The following F12 variants were observed in gnomAD, a reference collection of about 807,000 sequenced individuals.
F12 encodes Hageman factor.
In F12, 70 loss-of-function variants were observed where a neutral mutation model predicts 74.8. The ratio of observed to expected loss-of-function variants is 0.94; its 90% CI spans 0.77 to 1.14. The LOEUF is 1.14. Ranked by LOEUF, F12 falls within the 50% of genes most tolerant of loss-of-function variation. F12 has a pLI of 0.00. For missense variants in F12, 811 were observed against 835.7 expected (o/e 0.97, Z 0.36); for synonymous variants, 373 against 356.4 (o/e 1.05, Z -0.52).
Position 177,404,281 on chromosome 5 carries a change from A to G in F12, c.933T>C (p.Leu311=). The G allele has an allele frequency of 6.3e-7, 1 of 1,598,328 alleles. No individual in the cohort carries two copies. The highest frequency in any genetic ancestry group is 1.1e-5 in the South Asian group (1 of 89,526). ...GCTGCGCGGGCATGAGTGGGACATG[A>G]AGCCTAGGGGACACCGGGGTCGGAG... ...AAPPTPVSPR[L]HVPLMPAQPA... The change falls in exon 9 of 14, where the codon CTT becomes CTC. Residue 311 remains leucine, a synonymous_variant. Coordinates refer to ENST00000253496, the MANE Select transcript of F12 (RefSeq NM_000505.4).
chr5:177,404,389 C>T lies in F12; in HGVS notation c.825G>A (p.Pro275=), dbSNP rs1042152992. The T allele has an allele frequency of 6.2e-7, 1 of 1,612,068 alleles. No homozygotes were observed. Among genetic ancestry groups the T allele is most frequent in the Non-Finnish European group, 8.5e-7 (1 of 1,179,704 alleles). ...FCRNPDNDIR[P]WCFVLNRDRL... ...GGTCGCGGTTCAGCACGAAGCACCACGGGCGGATGTCGTTGTCCGGGTTCC... is the reference window on the plus strand; with the variant it reads ...GGTCGCGGTTCAGCACGAAGCACCATGGGCGGATGTCGTTGTCCGGGTTCC... Residue 275 remains proline (P), a synonymous_variant, in exon 9 of 14, where the codon CCG becomes CCA. Transcript: ENST00000253496.
At chr5:177,406,284 C>T (rs1410507170) in intron 2 of F12, among the ~76,000 whole-genome samples, 4 of 152,138 alleles carry the variant, frequency 2.6e-5, no homozygotes, top group South Asian at 2.1e-4. Flanking sequence ...GTCAGGAGAT[C>T]AAGACCATCC....
chr5:177,407,966 C>T (rs1763328779), intron 2 of F12, among the ~76,000 whole-genome samples: 2 of 151,882 alleles, frequency 1.3e-5, no homozygotes, highest in African/African-American at 4.8e-5. Context: ...GCCTCAACGC[C>T]ATGCTTAGAG....
At chr5:177,409,147 GC>G (rs977510534) in intron 1 of F12, 44 bp from the exon 2 acceptor site, 1 of 1,525,980 alleles carries the variant, frequency 6.6e-7, no homozygotes, top group African/African-American at 1.4e-5. Flanking sequence ...ATAAGTCATA[GC>G]CTGCCACCGA....
intron 2 of F12, among the ~76,000 whole-genome samples, chr5:177,408,271 G>T (rs908145405): frequency 6.6e-6 from 1 of 151,960 alleles, no homozygotes; most frequent in Admixed American, 6.6e-5. Flanking sequence ...GGCCAGGCTG[G>T]TCTCGAACTC....
Position 177,404,301 on chromosome 5 carries a change from T to A in F12, c.913A>T (p.Thr305Ser), listed in dbSNP as rs1474180928. 4 of 1,599,542 alleles carry A rather than the reference T, an allele frequency of 2.5e-6. No individual in the cohort carries two copies. Among genetic ancestry groups the A allele is most frequent in the Non-Finnish European group, 3.4e-6 (4 of 1,172,710 alleles). The change falls in exon 9 of 14, where the codon ACC (threonine) becomes TCC (serine). Residue 305 changes from threonine to serine, a missense_variant. Coordinates refer to ENST00000253496, the MANE Select transcript of F12 (RefSeq NM_000505.4). ...ACATGAAGCCTAGGGGACACCGGGG[T>A]CGGAGGCGCCGCCTGGGTTGGGGTC... Reference protein sequence around the residue: ...CQTPTQAAPPTPVSPRLHVPL... With the variant: ...CQTPTQAAPPSPVSPRLHVPL...
At position 177,404,928 on chromosome 5, in the gene F12, C is replaced by G. The variant is rs1296186719; in HGVS notation, c.530-14G>C. 1.3e-6 allele frequency: 2 copies of G among 1,592,460 alleles called. No individual in the cohort carries two copies. Among genetic ancestry groups the G allele is most frequent in the Non-Finnish European group, 1.7e-6 (2 of 1,173,496 alleles). On this transcript the variant is annotated splice_polypyrimidine_tract_variant and intron_variant, in intron 6 of 13. Coordinates refer to ENST00000253496, the MANE Select transcript of F12 (RefSeq NM_000505.4). ...TGGTGCGGCAGGCTTGGGGAGGGAA[C>G]GCAGTGAGCCACCCCTGGGCCTAAA...
rs1206904795 is a variant in F12, at chr5:177,404,036, C to A, written c.1073G>T (p.Ser358Ile). ...PPSLTRNGPL[S>I]CGQRLRKSLS... Reference sequence around the variant, plus strand: ...ACTCTTGCGGAGCCGCTGCCCGCAGCTCAGTGGGCCGTTCCTGGTCAGGGA... The same window carrying A: ...ACTCTTGCGGAGCCGCTGCCCGCAGATCAGTGGGCCGTTCCTGGTCAGGGA... The change falls in exon 10 of 14, where the codon AGC becomes ATC. Residue 358 changes from serine to isoleucine, a missense_variant. Coordinates refer to ENST00000253496, the MANE Select transcript of F12 (RefSeq NM_000505.4). 1.9e-6 allele frequency: 3 copies of A among 1,602,262 alleles called. No individual in the cohort carries two copies. Among genetic ancestry groups the A allele is most frequent in the African/African-American group, 2.7e-5 (2 of 74,932 alleles).
chr5:177,403,147 C>G, intron 12 of F12, 107 bp downstream of exon 12: 1 of 1,467,338 alleles, frequency 6.8e-7, no homozygotes, highest in East Asian at 2.3e-5. Context: ...GTCAGCGCCA[C>G]CCATTCTGTA....
rs539506202 is a variant in F12 at position 177,404,369 on chromosome 5, C to T, written c.845G>A (p.Arg282His). The change falls in exon 9 of 14, where the codon CGC (arginine) becomes CAC (histidine). Residue 282 changes from arginine to histidine, a missense_variant. Coordinates refer to ENST00000253496, the MANE Select transcript of F12 (RefSeq NM_000505.4). ...GCAGTACTCCCAGCTCAGCCGGTCG[C>T]GGTTCAGCACGAAGCACCACGGGCG... is the stretch of plus-strand genomic sequence containing the variant. ...DIRPWCFVLN[R>H]DRLSWEYCDL... The T allele has an allele frequency of 9.9e-6, 16 of 1,611,882 alleles. No individual in the cohort carries two copies. The South Asian group carries it at 1.2e-4, about 12-fold the overall frequency.
chr5:177,403,465 G>A lies in F12; in HGVS notation c.1387+16C>T, dbSNP rs1763193861. ...CCCAAGCTCTCTTCCCGTCCCCGCG[G>A]GGCGCCCCCACGCACCCAGGTCGTG... is the stretch of plus-strand genomic sequence containing the variant. On this transcript the variant is annotated intron_variant, in intron 11 of 13. Transcript: ENST00000253496. 10 of 1,558,794 alleles carry A rather than the reference G, an allele frequency of 6.4e-6. No individual in the cohort carries two copies. Among genetic ancestry groups the A allele is most frequent in the Admixed American group, 1.9e-5 (1 of 52,822 alleles).
In F12 at chr5:177,402,701, G is replaced by A. The variant is rs1763170440; in HGVS notation, c.1532-3C>T. The A allele has an allele frequency of 6.2e-7, 1 of 1,611,288 alleles. No individual in the cohort carries two copies. The highest frequency in any genetic ancestry group is 1.3e-5 in the African/African-American group (1 of 74,882). On this transcript the variant is annotated splice_polypyrimidine_tract_variant and splice_region_variant and intron_variant, in intron 12 of 13. Coordinates refer to ENST00000253496, the MANE Select transcript of F12 (RefSeq NM_000505.4). ...GAAGCTGGCATATTCCTCCGCCCCT[G>A]CGAACACAGAGCGCCTTCTTCACAC...
At chr5:177,403,101 C>T (rs534376662) in intron 12 of F12, 153 bp downstream of exon 12, 1 of 956,190 alleles carries the variant, frequency 1.0e-6, no homozygotes, top group Non-Finnish European at 1.6e-6. Context: ...TGGGATTCTA[C>T]CTGGGATTCA....
rs146595721 is a variant in F12 at position 177,408,934 on chromosome 5, C to T, written c.115+112G>A. 5.8e-4 allele frequency: 589 copies of T among 1,008,894 alleles called. 2 individuals are homozygous for T. In the African/African-American group the frequency reaches 8.2e-3, roughly 14 times the overall value. The allele number at this position is 1,008,894 out of a possible 1,614,324, so 62.5% of individuals were successfully genotyped here. A position where few individuals can be genotyped will look rare whatever the true frequency, so the allele number is the denominator to read the frequency against. ...TCACGATCACTCTAGTGCCCATGGGCATAAGACCTAGCACCAGGTAGGCAC... is the reference window on the plus strand; with the variant it reads ...TCACGATCACTCTAGTGCCCATGGGTATAAGACCTAGCACCAGGTAGGCAC... On this transcript the variant is annotated intron_variant, in intron 2 of 13. Transcript: ENST00000253496.
At chr5:177,409,190 C>T in intron 1 of F12, 87 bp from the exon 2 acceptor site, 2 of 1,367,954 alleles carry the variant, frequency 1.5e-6, no homozygotes, top group Non-Finnish European at 2.0e-6. Flanking sequence ...CCTCTCACAG[C>T]CCAGAAATGC....
intron 2 of F12, among the ~76,000 whole-genome samples, chr5:177,406,267 T>A (rs1487734629): frequency 1.3e-5 from 2 of 152,136 alleles, no homozygotes; most frequent in Non-Finnish European, 2.9e-5. Context: ...GGCGGGCAGA[T>A]CACGAGGTCA....
rs898230944 is a variant in F12 at position 177,403,847 on chromosome 5, G to T, written c.1250+12C>A. ...CGGCCCCTGGGGCGGCTCTGGGCGG[G>T]CGGGTACTCGCCGGTCCTGCAGGCA... On this transcript the variant is annotated intron_variant, in intron 10 of 13. Coordinates refer to ENST00000253496, the MANE Select transcript of F12 (RefSeq NM_000505.4). The T allele has an allele frequency of 6.6e-7, 1 of 1,515,964 alleles. No homozygotes were observed. The highest frequency in any genetic ancestry group is 2.4e-5 in the East Asian group (1 of 40,884). The allele number at this position is 1,515,964 out of a possible 1,614,324, so 93.9% of individuals were successfully genotyped here.
At chr5:177,408,695 G>T (rs1364588118) in intron 2 of F12, among the ~76,000 whole-genome samples, 1 of 152,260 alleles carries the variant, frequency 6.6e-6, no homozygotes, top group Non-Finnish European at 1.5e-5. Flanking sequence ...ATCCTTCCTT[G>T]CCCATTGAAG....
In F12 at chr5:177,403,316, C is replaced by T. The variant is rs778474297; in HGVS notation, c.1469G>A (p.Gly490Asp). 1.9e-6 allele frequency: 3 copies of T among 1,599,524 alleles called. No individual in the cohort carries two copies. Among genetic ancestry groups the T allele is most frequent in the East Asian group, 2.2e-5 (1 of 44,854 alleles). Residue 490 changes from glycine to aspartate, a missense_variant, in exon 12 of 14, where the codon GGC (glycine) becomes GAC (aspartate). By Grantham distance (94) the Gly-to-Asp change is moderately conservative. Coordinates refer to ENST00000253496, the MANE Select transcript of F12 (RefSeq NM_000505.4). ...PYVQPVCLPS[G>D]AARPSETTLC... The stretch of plus-strand genomic sequence containing the variant: ...CGTGGTCTCGGAGGGTCGCGCGGCG[C>T]CGCTTGGCAGGCACACCGGCTGAAC...
Sources: gnomAD v4.1 joint callset for allele counts (sites outside exome capture counted in the v4.1 genomes callset) on GRCh38, gnomAD v4.1.1 for gene constraint, MANE v1.5 for transcripts, NCBI Gene and HGNC (gene_info 2026-07-23, HGNC 2026-07-21) for gene names.